Variants in HOTAIR observed in about 807,000 individuals in gnomAD.
HOTAIR encodes HOX transcript antisense RNA (non-protein coding).
At chr12:53,965,059 G>A (rs916487046) in intron 5 of HOTAIR, among the ~76,000 whole-genome samples, 1 of 152,224 alleles carries the variant, frequency 6.6e-6, no homozygotes, top group Non-Finnish European at 1.5e-5. Context: ...TGGAGCCTGG[G>A]AGGCAGCAAT....
rs191680865 is a variant in HOTAIR at position 53,973,996 on chromosome 12, G to A, written n.59+902C>T. The A allele has an allele frequency of 3.9e-6, 5 of 1,289,688 alleles. No individual in the cohort carries two copies. Among genetic ancestry groups the A allele is most frequent in the East Asian group, 2.7e-5 (1 of 37,324 alleles). The allele number at this position is 1,289,688 out of a possible 1,614,324, so 79.9% of individuals were successfully genotyped here. ...AGAGAGGGAGGGCGAGAGAAGGGGGGAGGCAAGGGGAGCGGGGACGGCCTC... is the reference window on the plus strand; with the variant it reads ...AGAGAGGGAGGGCGAGAGAAGGGGGAAGGCAAGGGGAGCGGGGACGGCCTC... On this transcript the variant is annotated intron_variant and non_coding_transcript_variant, in intron 1 of 6. Coordinates refer to ENST00000424518, the Ensembl canonical transcript of HOTAIR. This position sits in a 1 kb window ranked among gnomAD's most constrained non-coding sequence, Gnocchi z 4.3.
chr12:53,962,590 A>G (rs1214722122), exon 7 of HOTAIR: 2 of 152,148 alleles, frequency 1.3e-5, no homozygotes, highest in Admixed American at 6.5e-5. Context: ...TGTGTACTAA[A>G]TACATTGAAA....
Position 53,973,645 on chromosome 12 carries a change from C to T in HOTAIR, n.59+1253G>A. On this transcript the variant is annotated intron_variant and non_coding_transcript_variant, in intron 1 of 6. Coordinates refer to ENST00000424518, the Ensembl canonical transcript of HOTAIR. This position sits in a 1 kb window ranked among gnomAD's most constrained non-coding sequence, Gnocchi z 4.3. ...CCCAGCGCCCCGCACGCAACCCCCGCCGGCTTCTACTCCTCAGTCAACAAG... is the reference window on the plus strand; with the variant it reads ...CCCAGCGCCCCGCACGCAACCCCCGTCGGCTTCTACTCCTCAGTCAACAAG... The T allele has an allele frequency of 6.2e-7, 1 of 1,613,790 alleles. No individual in the cohort carries two copies.
rs568570755 is a variant in HOTAIR, at chr12:53,969,266, G to A, written n.60-510C>T. On this transcript the variant is annotated intron_variant and non_coding_transcript_variant, in intron 1 of 6. Coordinates refer to ENST00000424518, the Ensembl canonical transcript of HOTAIR. ...ATTTGGTGAGGGGGCCAGTGAAACCGGCTCGTAAAATAGGGCTTTTATGGG... is the reference window on the plus strand; with the variant it reads ...ATTTGGTGAGGGGGCCAGTGAAACCAGCTCGTAAAATAGGGCTTTTATGGG... 1.3e-3 allele frequency among the ~76,000 whole-genome samples: 198 copies of A among 152,338 alleles called. 2 individuals are homozygous for A. Among genetic ancestry groups the A allele is most frequent in the Non-Finnish European group, 2.3e-3 (157 of 68,032 alleles).
At position 53,973,690 on chromosome 12, in the gene HOTAIR, C is replaced by G. The variant is rs1215033609; in HGVS notation, n.59+1208G>C. 1.2e-6 allele frequency: 2 copies of G among 1,613,722 alleles called. No homozygotes were observed. Among genetic ancestry groups the G allele is most frequent in the Non-Finnish European group, 1.7e-6 (2 of 1,180,046 alleles). ...AACAAGAACAGCGTCCTGCCTCAAG[C>G]CTTCGACCGTTTCTTCGACAACGCC... On this transcript the variant is annotated intron_variant and non_coding_transcript_variant, in intron 1 of 6. Coordinates refer to ENST00000424518, the Ensembl canonical transcript of HOTAIR. This position sits in a 1 kb window ranked among gnomAD's most constrained non-coding sequence, Gnocchi z 4.3.
At chr12:53,963,094 T>G (rs2136369050) in exon 7 of HOTAIR, 1 of 152,326 alleles carries the variant, frequency 6.6e-6, no homozygotes, top group East Asian at 1.9e-4. Flanking sequence ...TAGGGCTGGT[T>G]TCACTTTTAA....
chr12:53,972,703 T>A (rs912410603), intron 1 of HOTAIR, among the ~76,000 whole-genome samples: 3 of 152,068 alleles, frequency 2.0e-5, no homozygotes, highest in African/African-American at 7.2e-5. Flanking sequence ...AGGGAAAGGA[T>A]TCACTTCTCT....
intron 5 of HOTAIR, among the ~76,000 whole-genome samples, chr12:53,964,471 G>C (rs570698551): frequency 6.6e-6 from 1 of 152,146 alleles, no homozygotes; most frequent in African/African-American, 2.4e-5. Flanking sequence ...TTTGCCTGAA[G>C]AAACAATGTA....
At chr12:53,963,384 CTGTT>C (rs1438203339) in exon 7 of HOTAIR, 1 of 152,270 alleles carries the variant, frequency 6.6e-6, no homozygotes, top group Non-Finnish European at 1.5e-5. Flanking sequence ...TGAACGGACT[CTGTT>C]TGGGCCTCCT....
intron 1 of HOTAIR, chr12:53,969,038 G>A (rs950092530): frequency 6.6e-6 from 1 of 152,258 alleles, no homozygotes; most frequent in Non-Finnish European, 1.5e-5. Context: ...GAGCCTTAAT[G>A]TAGGAGCTAA....
At chr12:53,964,257 G>A (rs1453182417) in exon 6 of HOTAIR, 1 of 128,268 alleles carries the variant, frequency 7.8e-6, no homozygotes, top group African/African-American at 3.2e-5. Flanking sequence ...GGTTTAGGTT[G>A]CAGCACTTCT....
intron 1 of HOTAIR, among the ~76,000 whole-genome samples, chr12:53,974,617 G>A (rs1939219348): frequency 6.6e-6 from 1 of 151,986 alleles, no homozygotes; most frequent in Non-Finnish European, 1.5e-5. Context: ...CGCGGCCTTA[G>A]TGCTTGCCTA....
In HOTAIR at chr12:53,973,889, C is replaced by G. The variant is rs1026866948; in HGVS notation, n.59+1009G>C. On this transcript the variant is annotated intron_variant and non_coding_transcript_variant, in intron 1 of 6. Coordinates refer to ENST00000424518, the Ensembl canonical transcript of HOTAIR. This position sits in a 1 kb window ranked among gnomAD's most constrained non-coding sequence, Gnocchi z 4.3. Reference sequence around the variant, plus strand: ...CCAGCTCGTCCGGTTCAGCCCACTCCGTGGCCAAGGAGCCGGCCAAAGGAG... The same window carrying G: ...CCAGCTCGTCCGGTTCAGCCCACTCGGTGGCCAAGGAGCCGGCCAAAGGAG... The G allele has an allele frequency of 1.2e-5, 18 of 1,450,452 alleles. No individual in the cohort carries two copies. The highest frequency in any genetic ancestry group is 4.4e-5 in the South Asian group (3 of 68,048). The allele number at this position is 1,450,452 out of a possible 1,614,324, so 89.8% of individuals were successfully genotyped here.
At chr12:53,964,051 C>T (rs1428952127) in exon 7 of HOTAIR, 6 of 152,402 alleles carry the variant, frequency 3.9e-5, no homozygotes, top group Non-Finnish European at 5.9e-5. Flanking sequence ...GCGCTCTCTT[C>T]CCTCCTCTGG....
At position 53,973,076 on chromosome 12, in the gene HOTAIR, G is replaced by A. The variant is rs1260757319; in HGVS notation, n.59+1822C>T. 2 of 558,850 alleles carry A rather than the reference G, an allele frequency of 3.6e-6. No individual in the cohort carries two copies. The highest frequency in any genetic ancestry group is 6.2e-6 in the Non-Finnish European group (2 of 323,394). The allele number at this position is 558,850 out of a possible 1,614,324, so 34.6% of individuals were successfully genotyped here. On this transcript the variant is annotated intron_variant and non_coding_transcript_variant, in intron 1 of 6. Transcript: ENST00000424518. This position sits in a 1 kb window ranked among gnomAD's most constrained non-coding sequence, Gnocchi z 4.3. The stretch of plus-strand genomic sequence containing the variant: ...TTACCTAAGAGAGAACCCCTCCTAC[G>A]TCTGCGAAGTGCTCCGAACTGATAT...
intron 1 of HOTAIR, chr12:53,974,016 G>T (rs1432949257): frequency 2.6e-6 from 3 of 1,138,348 alleles, no homozygotes; most frequent in South Asian, 3.4e-5. Context: ...GAGCGGGGAC[G>T]GCCTCGTGTT....
chr12:53,963,581 G>C (rs1938993718), exon 7 of HOTAIR: 1 of 152,284 alleles, frequency 6.6e-6, no homozygotes, highest in South Asian at 2.1e-4. Flanking sequence ...ATTAATTAGC[G>C]CCTCCCAGTC....
At chr12:53,972,962 T>G (rs1179163432) in intron 1 of HOTAIR, among the ~76,000 whole-genome samples, 2 of 131,998 alleles carry the variant, frequency 1.5e-5, no homozygotes, top group Admixed American at 8.6e-5. Context: ...AGAAGGGGAG[T>G]GACGAGAGAA....
Position 53,973,115 on chromosome 12 carries a change from C to T in HOTAIR, n.59+1783G>A. On this transcript the variant is annotated intron_variant and non_coding_transcript_variant, in intron 1 of 6. Transcript: ENST00000424518. This position sits in a 1 kb window ranked among gnomAD's most constrained non-coding sequence, Gnocchi z 4.3. The stretch of plus-strand genomic sequence containing the variant: ...CCGAACTGATATATGACAATATCTA[C>T]TTTGGATCACGTGCTCAGAGAGAGA... 1 of 704,824 alleles carries T rather than the reference C, an allele frequency of 1.4e-6. No individual in the cohort carries two copies. The highest frequency in any genetic ancestry group is 2.3e-6 in the Non-Finnish European group (1 of 432,344). 43.7% of individuals were successfully genotyped at this position (704,824 alleles called of 1,614,324 possible).
Sources: gnomAD v4.1 joint callset for allele counts (sites outside exome capture counted in the v4.1 genomes callset) on GRCh38, gnomAD v4.1.1 for gene constraint, Gnocchi (gnomAD v3.1) non-coding constraint, MANE v1.5 for transcripts, NCBI Gene and HGNC (gene_info 2026-07-23, HGNC 2026-07-21) for gene names.